ASAH1: variants seen among roughly 807,000 people sequenced by gnomAD.
The protein encoded by ASAH1 is acid ceramidase.
In ASAH1, 70 loss-of-function variants were observed where a neutral mutation model predicts 59.5. The ratio of observed to expected loss-of-function variants is 1.18; its 90% CI spans 0.97 to 1.43. ASAH1 has a LOEUF of 1.43. ASAH1 is among the 40% of genes most tolerant of loss of function. The pLI is 0.00. For synonymous variants in ASAH1, 213 were observed against 166.5 expected, an observed-to-expected ratio of 1.28 and a Z score of -2.15; for missense variants, 660 against 482.5, an observed-to-expected ratio of 1.37 and a Z score of -3.45.
intron 12 of ASAH1, 128 bp downstream of exon 12, chr8:18,059,213 G>T: frequency 6.9e-7 from 1 of 1,445,532 alleles, no homozygotes; most frequent in East Asian, 2.3e-5. Context: ...AAAATCAGTG[G>T]AGAGTGGCTA....
At chr8:18,062,037 G>A in intron 8 of ASAH1, 2 of 626,522 alleles carry the variant, frequency 3.2e-6, no homozygotes, top group Non-Finnish European at 5.5e-6. Context: ...ATCAGATTGT[G>A]ACTCCCAGCC....
Position 18,062,267 on chromosome 8 carries a change from C to T in ASAH1, c.648+12G>A, listed in dbSNP as rs1432717481. 4 of 1,614,148 alleles carry T rather than the reference C, an allele frequency of 2.5e-6. No homozygotes were observed. The East Asian group carries it at 6.7e-5, about 27-fold the overall frequency. On this transcript the variant is annotated intron_variant, in intron 8 of 13. Coordinates refer to ENST00000637790, the MANE Select transcript of ASAH1 (RefSeq NM_177924.5). ...GGCTACCTGTATAATTATGTAACAACAGACTCCTTACTGGTTTGAATCCTG... is the reference window on the plus strand; with the variant it reads ...GGCTACCTGTATAATTATGTAACAATAGACTCCTTACTGGTTTGAATCCTG...
chr8:18,061,421 C>T lies in ASAH1; in HGVS notation c.741G>A (p.Met247Ile). The T allele has an allele frequency of 6.2e-7, 1 of 1,613,262 alleles. No homozygotes were observed. Among genetic ancestry groups the T allele is most frequent in the Non-Finnish European group, 8.5e-7 (1 of 1,179,174 alleles). ...LEWILGKKDV[M>I]WIGFLTRTVL... ...CTGTTCTAGTGAGGAACCCTATCCA[C>T]ATGACATCTTTCTTTCCCAGAATCC... Residue 247 changes from methionine to isoleucine, a missense_variant, in exon 10 of 14, where the codon ATG (methionine) becomes ATA (isoleucine). Met to Ile is a conservative substitution (Grantham distance 10). Coordinates refer to ENST00000637790, the MANE Select transcript of ASAH1 (RefSeq NM_177924.5).
intron 3 of ASAH1, among the ~76,000 whole-genome samples, chr8:18,070,496 C>G (rs1800119968): frequency 6.6e-6 from 1 of 151,932 alleles, no homozygotes; most frequent in Non-Finnish European, 1.5e-5. Context: ...GTTGGCCAGG[C>G]TGGTCTTGAA....
chr8:18,071,866 G>T (rs1800191142), intron 2 of ASAH1, among the ~76,000 whole-genome samples: 1 of 152,124 alleles, frequency 6.6e-6, no homozygotes, highest in East Asian at 1.9e-4. Context: ...AGCCCCAGAT[G>T]GCAACATGTA....
chr8:18,076,231 G>A (rs1218175282), intron 1 of ASAH1: 2 of 155,020 alleles, frequency 1.3e-5, no homozygotes, highest in East Asian at 3.8e-4. Flanking sequence ...TTTCTTTCTT[G>A]TGAAGTCTTC....
At chr8:18,062,234 G>A (rs760287134) in intron 8 of ASAH1, 45 bp downstream of exon 8, 2 of 1,613,274 alleles carry the variant, frequency 1.2e-6, no homozygotes, top group Non-Finnish European at 1.7e-6. Flanking sequence ...AACGGTAACA[G>A]GACAGAAGGC....
At position 18,067,144 on chromosome 8, in the gene ASAH1, T is replaced by C. The variant is rs1023468266; in HGVS notation, c.382+76A>G. On this transcript the variant is annotated intron_variant, in intron 5 of 13. Coordinates refer to ENST00000637790, the MANE Select transcript of ASAH1 (RefSeq NM_177924.5). ...TAAGACATACAGCACCTGTGCTGTA[T>C]GTATATCACACCTCAATGGAAACTT... 19 of 1,223,680 alleles carry C rather than the reference T, an allele frequency of 1.6e-5. No homozygotes were observed. In the East Asian group the frequency reaches 2.5e-4, roughly 16 times the overall value. The allele number at this position is 1,223,680 out of a possible 1,614,324, so 75.8% of individuals were successfully genotyped here.
intron 5 of ASAH1, chr8:18,065,023 G>A (rs541937553): frequency 1.9e-5 from 3 of 154,018 alleles, no homozygotes; most frequent in African/African-American, 7.2e-5. Context: ...TTCCCAAAAT[G>A]TATAATACTG....
Position 18,084,039 on chromosome 8 carries a change from A to G in ASAH1, c.20T>C (p.Val7Ala). Reference protein sequence around the residue: MPGRSCVALVLLAAAVS... With the variant: MPGRSCAALVLLAAAVS... Reference sequence around the variant, plus strand: ...GGCGGCAGCCAGGAGGACTAAGGCGACGCAACTCCGGCCCGGCATCGCTCT... The same window carrying G: ...GGCGGCAGCCAGGAGGACTAAGGCGGCGCAACTCCGGCCCGGCATCGCTCT... Residue 7 changes from valine to alanine, a missense_variant, in exon 1 of 14, where the codon GTC (valine) becomes GCC (alanine). Coordinates refer to ENST00000637790, the MANE Select transcript of ASAH1 (RefSeq NM_177924.5). 1 of 1,598,730 alleles carries G rather than the reference A, an allele frequency of 6.3e-7. No homozygotes were observed. Among genetic ancestry groups the G allele is most frequent in the Non-Finnish European group, 8.5e-7 (1 of 1,179,672 alleles).
chr8:18,059,472 C>T lies in ASAH1; in HGVS notation c.918-8G>A, dbSNP rs1193137924. ...CCCTGCTTAGCATCGAGTCTAGATA[C>T]AAAAGGAGAGATTCCCTCTTAGGCT... On this transcript the variant is annotated splice_polypyrimidine_tract_variant and splice_region_variant and intron_variant, in intron 11 of 13. Transcript: ENST00000637790. 2 of 1,614,168 alleles carry T rather than the reference C, an allele frequency of 1.2e-6. No homozygotes were observed. The highest frequency in any genetic ancestry group is 1.3e-5 in the African/African-American group (1 of 75,064).
At chr8:18,080,981 C>A (rs372322423) in intron 1 of ASAH1, among the ~76,000 whole-genome samples, 13 of 152,180 alleles carry the variant, frequency 8.5e-5, no homozygotes, top group African/African-American at 3.1e-4. Context: ...TTCATCTGCT[C>A]CAAGGGCTTC....
chr8:18,079,502 A>T (rs1379247790), intron 1 of ASAH1, among the ~76,000 whole-genome samples: 1 of 152,050 alleles, frequency 6.6e-6, no homozygotes, highest in Non-Finnish European at 1.5e-5. Context: ...ATACCCTTAA[A>T]AAATGGCATA....
chr8:18,084,007 A>G lies in ASAH1; in HGVS notation c.52T>C (p.Cys18Arg). ...ALVLLAAAVS[C>R]AVAQHAPPWT... Reference sequence around the variant, plus strand: ...GGCGGCGCGTGCTGCGCGACGGCACAGCTGACGGCGGCAGCCAGGAGGACT... The same window carrying G: ...GGCGGCGCGTGCTGCGCGACGGCACGGCTGACGGCGGCAGCCAGGAGGACT... The change falls in exon 1 of 14, where the codon TGT becomes CGT. Residue 18 changes from cysteine to arginine, a missense_variant. Transcript: ENST00000637790. 1 of 1,598,316 alleles carries G rather than the reference A, an allele frequency of 6.3e-7. No homozygotes were observed.
chr8:18,067,294 C>A lies in ASAH1; in HGVS notation c.308G>T (p.Gly103Val). The A allele has an allele frequency of 6.3e-7, 1 of 1,586,984 alleles. No individual in the cohort carries two copies. The highest frequency in any genetic ancestry group is 1.3e-5 in the African/African-American group (1 of 74,354). The change falls in exon 5 of 14, where the codon GGC becomes GTC. Residue 103 changes from glycine to valine, a missense_variant. By Grantham distance (109) the Gly-to-Val change is moderately radical. Transcript: ENST00000637790. ...AGGGCCAGGAAAGTTGCCAAGTAGG[C>A]CAGGCTGGAAAACAAATATATTAAT... Reference protein sequence around the residue: ...IMQVVDEKLPGLLGNFPGPFE... With the variant: ...IMQVVDEKLPVLLGNFPGPFE...
chr8:18,083,251 G>C (rs1008985862), intron 1 of ASAH1: 4 of 152,310 alleles, frequency 2.6e-5, no homozygotes, highest in African/African-American at 9.6e-5. Flanking sequence ...AAAGAGTACT[G>C]GGCGTCAAGA....
Position 18,083,968 on chromosome 8 carries a change from C to T in ASAH1, c.78+13G>A, listed in dbSNP as rs796867399. The T allele has an allele frequency of 1.3e-6, 2 of 1,597,110 alleles. No homozygotes were observed. The highest frequency in any genetic ancestry group is 4.5e-5 in the East Asian group (2 of 44,842). On this transcript the variant is annotated intron_variant, in intron 1 of 13. Transcript: ENST00000637790. The stretch of plus-strand genomic sequence containing the variant: ...GCACGCCCCTCTCTGCGCCTCGGCT[C>T]AAGCTCACTCACCGGCGGCGCGTGC...
chr8:18,066,137 A>G (rs182142039), intron 5 of ASAH1: 1 of 152,266 alleles, frequency 6.6e-6, no homozygotes, highest in East Asian at 1.9e-4. Context: ...ATAAGCATAT[A>G]TATATGACTT....
intron 1 of ASAH1, among the ~76,000 whole-genome samples, chr8:18,078,573 T>A (rs1800512010): frequency 6.6e-6 from 1 of 151,530 alleles, no homozygotes; most frequent in Admixed American, 6.6e-5. Context: ...AGCTACTTCC[T>A]CCCCCTCAAA....
Sources: gnomAD v4.1 joint callset for allele counts (sites outside exome capture counted in the v4.1 genomes callset) on GRCh38, gnomAD v4.1.1 for gene constraint, MANE v1.5 for transcripts, NCBI Gene and HGNC (gene_info 2026-07-23, HGNC 2026-07-21) for gene names.